GTF2E2: variants seen among roughly 807,000 people sequenced by gnomAD.
GTF2E2 encodes transcription initiation factor IIE subunit beta.
Under a neutral mutation model 40.5 loss-of-function variants are expected in GTF2E2, and 21 were observed. The ratio of observed to expected loss-of-function variants is 0.52; its 90% confidence interval spans 0.37 to 0.75. The LOEUF (loss-of-function observed/expected upper bound fraction) is 0.75, where lower values mean the gene tolerates loss of function less well. Among genes scored for constraint, GTF2E2 ranks in the 30% least tolerant of loss-of-function variants. The pLI, the probability that GTF2E2 is intolerant of heterozygous loss-of-function variation, is 0.00. For missense variants in GTF2E2, 298 were observed against 338.4 expected, an observed-to-expected ratio of 0.88 and a Z score of 0.94; for synonymous variants, 117 against 121.6, an observed-to-expected ratio of 0.96 and a Z score of 0.25.
intron 6 of GTF2E2, among the ~76,000 whole-genome samples, chr8:30,580,752 T>C (rs1394331623): frequency 6.6e-6 from 1 of 152,222 alleles, no homozygotes; most frequent in African/African-American, 2.4e-5. Flanking sequence ...GATATACTCA[T>C]TCCTCTCTCA....
intron 6 of GTF2E2, among the ~76,000 whole-genome samples, chr8:30,598,737 A>G (rs555931392): frequency 1.3e-5 from 2 of 152,276 alleles, no homozygotes; most frequent in Non-Finnish European, 2.9e-5. Flanking sequence ...TAGAGGTACA[A>G]TCTCACAGAA....
At chr8:30,596,404 T>C (rs1285840751) in intron 6 of GTF2E2, among the ~76,000 whole-genome samples, 3 of 152,226 alleles carry the variant, frequency 2.0e-5, no homozygotes, top group Non-Finnish European at 4.4e-5. Flanking sequence ...GTTGAAGACA[T>C]TTTTCACCTA....
At position 30,607,140 on chromosome 8, in the gene GTF2E2, TC is replaced by T; in HGVS notation, c.559del (p.Asp187ThrfsTer6). The T allele has an allele frequency of 1.5e-6, 2 of 1,365,842 alleles. No individual in the cohort carries two copies. Among genetic ancestry groups the T allele is most frequent in the Non-Finnish European group, 2.1e-6 (2 of 972,646 alleles). 84.6% of individuals were successfully genotyped at this position (1,365,842 alleles called of 1,614,324 possible). A position where few individuals can be genotyped will look rare whatever the true frequency, so the allele number is the denominator to read the frequency against. The part of the protein sequence containing the change: ...NSQKAVKALG[D>X]QILFVNRPDK... Reference sequence around the variant, plus strand: ...GGGACGATTTACAAATAGTATCTGGTCCCCCAAAGCCTTAAAGATAGATAAA... The same window carrying T: ...GGGACGATTTACAAATAGTATCTGGTCCCCAAAGCCTTAAAGATAGATAAA... On this transcript the variant is annotated frameshift_variant, in exon 6 of 8. Transcript: ENST00000355904. LOFTEE classifies it high-confidence loss of function.
At chr8:30,618,800 G>T (rs1328478055) in intron 3 of GTF2E2, among the ~76,000 whole-genome samples, 1 of 152,100 alleles carries the variant, frequency 6.6e-6, no homozygotes, top group Non-Finnish European at 1.5e-5. Context: ...GCTGCTTTTT[G>T]AAATAAATTC....
At chr8:30,652,773 A>C (rs918042526) in intron 2 of GTF2E2, among the ~76,000 whole-genome samples, 15 of 152,376 alleles carry the variant, frequency 9.8e-5, no homozygotes, top group African/African-American at 3.6e-4. Context: ...TCATACCAAC[A>C]CTATTCAAAA....
chr8:30,621,279 G>T (rs1801093853), intron 3 of GTF2E2, among the ~76,000 whole-genome samples: 1 of 151,840 alleles, frequency 6.6e-6, no homozygotes, highest in African/African-American at 2.4e-5. Context: ...AAAAATAAAT[G>T]GAATTATTGG....
chr8:30,610,815 A>G (rs1414954277), intron 5 of GTF2E2, among the ~76,000 whole-genome samples: 1 of 152,232 alleles, frequency 6.6e-6, no homozygotes, highest in East Asian at 1.9e-4. Context: ...ACAAAATCAA[A>G]AATAGACAAG....
intron 6 of GTF2E2, chr8:30,597,339 C>T (rs1191363855): frequency 6.6e-6 from 1 of 152,154 alleles, no homozygotes; most frequent in Non-Finnish European, 1.5e-5. Context: ...TCTACTGTCC[C>T]TCTCCTCCAG....
At chr8:30,642,125 A>C (rs1801858222) in intron 2 of GTF2E2, among the ~76,000 whole-genome samples, 3 of 152,252 alleles carry the variant, frequency 2.0e-5, no homozygotes, top group South Asian at 2.1e-4. Flanking sequence ...AGTGAAAGTA[A>C]GTTTATTAAG....
At chr8:30,622,486 G>A (rs1801137430) in intron 3 of GTF2E2, among the ~76,000 whole-genome samples, 1 of 151,970 alleles carries the variant, frequency 6.6e-6, no homozygotes, top group Admixed American at 6.6e-5. Flanking sequence ...CAGGACCACA[G>A]GACCAGGGTG....
At chr8:30,651,009 G>A (rs1354302368) in intron 2 of GTF2E2, among the ~76,000 whole-genome samples, 4 of 87,170 alleles carry the variant, frequency 4.6e-5, no homozygotes, top group South Asian at 4.5e-4. Flanking sequence ...GCAAGACTCC[G>A]TCTCAAAAAA....
At chr8:30,585,300 A>G (rs1018092124) in intron 6 of GTF2E2, 1 of 152,252 alleles carries the variant, frequency 6.6e-6, no homozygotes, top group Non-Finnish European at 1.5e-5. Flanking sequence ...AGCATTATCT[A>G]CACCTATTAC....
At chr8:30,605,806 A>G (rs992429478) in intron 6 of GTF2E2, among the ~76,000 whole-genome samples, 2 of 152,130 alleles carry the variant, frequency 1.3e-5, no homozygotes, top group African/African-American at 4.8e-5. Flanking sequence ...GACCACAGGC[A>G]TGCGCCACCA....
intron 2 of GTF2E2, chr8:30,643,518 T>TGGTGGCA (rs951122720): frequency 6.6e-6 from 1 of 152,094 alleles, no homozygotes; most frequent in Non-Finnish European, 1.5e-5. Context: ...TAGCCAGGTG[T>TGGTGGCA]GGTGGCACAT....
At chr8:30,588,630 ATTAT>A (rs1828751408) in intron 6 of GTF2E2, among the ~76,000 whole-genome samples, 1 of 152,224 alleles carries the variant, frequency 6.6e-6, no homozygotes, top group African/African-American at 2.4e-5. Flanking sequence ...GTTATCCTGG[ATTAT>A]TTGAGCAGAC....
At chr8:30,630,902 C>T (rs1488473207) in intron 3 of GTF2E2, among the ~76,000 whole-genome samples, 1 of 151,998 alleles carries the variant, frequency 6.6e-6, no homozygotes, top group Non-Finnish European at 1.5e-5. Context: ...ACAACCATTC[C>T]CCCTACACCC....
At chr8:30,579,293 T>G (rs1198834771) in intron 7 of GTF2E2, among the ~76,000 whole-genome samples, 1 of 152,166 alleles carries the variant, frequency 6.6e-6, no homozygotes. Context: ...TTCTAGGCAC[T>G]AAGTCAAACA....
intron 6 of GTF2E2, among the ~76,000 whole-genome samples, chr8:30,600,322 T>G (rs1240009343): frequency 2.6e-5 from 4 of 152,242 alleles, no homozygotes; most frequent in Non-Finnish European, 5.9e-5. Context: ...TAAGTAGGAT[T>G]AAAATGACTA....
intron 1 of GTF2E2, among the ~76,000 whole-genome samples, chr8:30,655,476 T>C (rs1364494073): frequency 1.3e-5 from 2 of 152,212 alleles, no homozygotes; most frequent in African/African-American, 4.8e-5. Flanking sequence ...AAAAGACTCA[T>C]ACTTTGAAAG....
Sources: allele counts gnomAD v4.1 joint callset (sites outside exome capture counted in the v4.1 genomes callset), GRCh38; gene constraint gnomAD v4.1.1; transcripts MANE v1.5; gene names NCBI Gene and HGNC (gene_info 2026-07-23, HGNC 2026-07-21).